PROX1: variants seen among roughly 807,000 people sequenced by gnomAD.
PROX1 encodes the protein prospero homeobox 1, also known as prospero homeobox protein 1.
Under a neutral mutation model 58.8 loss-of-function variants are expected in PROX1, and 7 were observed. The ratio of observed to expected loss-of-function variants is 0.12; its 90% CI spans 0.07 to 0.22. PROX1 has a LOEUF of 0.22. PROX1 is among the 10% of genes least tolerant of loss of function. The pLI, the probability that PROX1 is intolerant of heterozygous loss-of-function variation, is 1.00. For synonymous variants in PROX1, 350 were observed against 358.3 expected (o/e 0.98, Z 0.26); for missense variants, 675 against 927.8 (o/e 0.73, Z 3.54).
At chr1:214,021,563 C>A (rs925374004) in intron 4 of PROX1, among the ~76,000 whole-genome samples, 11 of 152,216 alleles carry the variant, frequency 7.2e-5, no homozygotes, top group Admixed American at 3.9e-4. Context: ...GCGCTTCCAG[C>A]CTGACTGTGT....
intron 4 of PROX1, among the ~76,000 whole-genome samples, chr1:214,022,663 G>A (rs1232295333): frequency 1.3e-5 from 2 of 152,208 alleles, no homozygotes; most frequent in African/African-American, 4.8e-5. Flanking sequence ...CTGGCCTGGA[G>A]GGTCTGGCTC....
chr1:214,023,872 G>A (rs559190010), intron 4 of PROX1, among the ~76,000 whole-genome samples: 2 of 152,334 alleles, frequency 1.3e-5, no homozygotes, highest in South Asian at 2.1e-4. Flanking sequence ...CTTGGGCAGG[G>A]AGGGATGGTT....
intron 1 of PROX1, among the ~76,000 whole-genome samples, chr1:213,995,341 C>A (rs528795537): frequency 6.6e-6 from 1 of 152,170 alleles, no homozygotes; most frequent in African/African-American, 2.4e-5. Context: ...AGGATGTTCT[C>A]TTTTTATACT....
intron 4 of PROX1, chr1:214,028,884 A>T (rs1419205442): frequency 6.6e-6 from 1 of 152,284 alleles, no homozygotes; most frequent in African/African-American, 2.4e-5. Context: ...CAGCTCCATG[A>T]TTCCTCTTTT....
chr1:214,019,616 G>A (rs992666888), intron 4 of PROX1, among the ~76,000 whole-genome samples: 26 of 152,158 alleles, frequency 1.7e-4, no homozygotes, highest in African/African-American at 6.0e-4. Context: ...GCCATGGGAG[G>A]CCTCCCTGTG....
chr1:214,003,997 C>A (rs1231654779), intron 2 of PROX1, among the ~76,000 whole-genome samples: 1 of 149,310 alleles, frequency 6.7e-6, no homozygotes, highest in African/African-American at 2.5e-5. Flanking sequence ...TTTGCACACA[C>A]AAGCACACTT....
intron 1 of PROX1, among the ~76,000 whole-genome samples, chr1:213,990,658 TCGTG>T: frequency 2.6e-5 from 2 of 75,714 alleles, no homozygotes; most frequent in South Asian, 1.2e-3. Context: ...GAGAGAACTG[TCGTG>T]TGTGTGTGTG....
chr1:214,032,692 C>T (rs1664699357), intron 4 of PROX1, among the ~76,000 whole-genome samples: 1 of 152,198 alleles, frequency 6.6e-6, no homozygotes, highest in South Asian at 2.1e-4. Context: ...AAGGCAAGAT[C>T]TCACTATGAG....
At position 213,997,214 on chromosome 1, in the gene PROX1, G is replaced by T. The variant is rs1433935428; in HGVS notation, c.679G>T (p.Ala227Ser). 6.2e-7 allele frequency: 1 copy of T among 1,612,628 alleles called. No individual in the cohort carries two copies. Among genetic ancestry groups the T allele is most frequent in the Non-Finnish European group, 8.5e-7 (1 of 1,179,588 alleles). ...QQQSFQQLVSARKEQKREERR... is the reference protein window; with the variant it reads ...QQQSFQQLVSSRKEQKREERR... ...ACAGAGTTTCCAGCAGCTGGTTTCA[G>T]CCCGAAAAGAACAGAAGCGAGAGGA... The change falls in exon 2 of 5, where the codon GCC becomes TCC. Residue 227 changes from alanine to serine, a missense_variant. This residue lies in a region of PROX1 where 403 missense variants were observed against 477.4 expected (regional missense o/e 0.84). Transcript: ENST00000366958. This position sits in a 1 kb window ranked among gnomAD's most constrained non-coding sequence, Gnocchi z 7.1.
At chr1:214,006,193 T>C (rs1411369609) in intron 3 of PROX1, among the ~76,000 whole-genome samples, 1 of 151,268 alleles carries the variant, frequency 6.6e-6, no homozygotes, top group Admixed American at 6.6e-5. Flanking sequence ...GTACAAGTTC[T>C]TCTTTCTGCC....
intron 4 of PROX1, among the ~76,000 whole-genome samples, chr1:214,018,193 T>A (rs7540694): frequency 1.3e-5 from 2 of 152,184 alleles, no homozygotes; most frequent in African/African-American, 2.4e-5. Flanking sequence ...TTCTTCATTT[T>A]TCCCCCCGCA....
At chr1:214,023,694 G>C (rs980450644) in intron 4 of PROX1, among the ~76,000 whole-genome samples, 3 of 152,074 alleles carry the variant, frequency 2.0e-5, no homozygotes, top group Non-Finnish European at 4.4e-5. Context: ...GTGGTTGGGA[G>C]GTATTGAGTC....
upstream of PROX1, chr1:213,984,399 T>C (rs989357270): frequency 9.2e-5 from 14 of 152,234 alleles, no homozygotes; most frequent in African/African-American, 3.4e-4. Context: ...CAAATTCTTG[T>C]AAGGGTTATA....
At position 213,998,028 on chromosome 1, in the gene PROX1, G is replaced by A. The variant is rs1391349906; in HGVS notation, c.1493G>A (p.Gly498Asp). The A allele has an allele frequency of 8.7e-6, 14 of 1,612,304 alleles. No homozygotes were observed. Among genetic ancestry groups the A allele is most frequent in the Non-Finnish European group, 1.2e-5 (14 of 1,178,970 alleles). ...GCCTATCCATTTCAGAGCCCATTAG[G>A]TGCTCCCTCCGGCTCCTTCTCTGGA... ...LMAYPFQSPL[G>D]APSGSFSGKD... is the part of the protein sequence containing the mutation. Residue 498 changes from glycine (G) to aspartate (D), a missense_variant, in exon 2 of 5, where the codon GGT (glycine) becomes GAT (aspartate). This residue lies in a region of PROX1 where 403 missense variants were observed against 477.4 expected (regional missense o/e 0.84). Transcript: ENST00000366958.
Position 213,997,257 on chromosome 1 carries a change from A to C in PROX1, c.722A>C (p.Gln241Pro). 1 of 1,613,322 alleles carries C rather than the reference A, an allele frequency of 6.2e-7. No individual in the cohort carries two copies. The change falls in exon 2 of 5, where the codon CAG (glutamine) becomes CCG (proline). Residue 241 changes from glutamine (Q) to proline (P), a missense_variant. Gln to Pro is a moderately conservative substitution (Grantham distance 76). Coordinates refer to ENST00000366958, the MANE Select transcript of PROX1 (RefSeq NM_001270616.2). This position sits in a 1 kb window ranked among gnomAD's most constrained non-coding sequence, Gnocchi z 7.1. ...QKREERRQLK[Q>P]QLEDMQKQLR... ...CGAGAGGAGCGCCGACAGCTGAAACAGCAGCTGGAGGACATGCAGAAACAG... is the reference window on the plus strand; with the variant it reads ...CGAGAGGAGCGCCGACAGCTGAAACCGCAGCTGGAGGACATGCAGAAACAG...
At position 214,040,498 on chromosome 1, in the gene PROX1, C is replaced by T. The variant is rs191767387; in HGVS notation, c.*4664C>T. On this transcript the variant is annotated 3_prime_UTR_variant, in exon 5 of 5. Coordinates refer to ENST00000366958, the MANE Select transcript of PROX1 (RefSeq NM_001270616.2). ...GAAAATATTTTAAAATTGTATATTA[C>T]GACTTCAAATTTAGAACTAAGAAAA... is the stretch of plus-strand genomic sequence containing the variant. 70 of 152,104 alleles carry T rather than the reference C, an allele frequency of 4.6e-4. 2 individuals are homozygous for T. The highest frequency in any genetic ancestry group is 3.2e-3 in the Admixed American group (49 of 15,286). 9.4% of individuals were successfully genotyped at this position (152,104 alleles called of 1,614,324 possible).
At chr1:214,000,559 G>A (rs1279950804) in intron 2 of PROX1, among the ~76,000 whole-genome samples, 1 of 152,168 alleles carries the variant, frequency 6.6e-6, no homozygotes, top group Non-Finnish European at 1.5e-5. Flanking sequence ...GCTAAATAAT[G>A]TCGGCCTCTC....
At chr1:214,006,871 T>C (rs1663732877) in intron 3 of PROX1, among the ~76,000 whole-genome samples, 1 of 152,304 alleles carries the variant, frequency 6.6e-6, no homozygotes, top group South Asian at 2.1e-4. Context: ...CAATAACTTA[T>C]ATTCTTTGCA....
At chr1:214,025,358 G>T (rs990198530) in intron 4 of PROX1, among the ~76,000 whole-genome samples, 1 of 152,236 alleles carries the variant, frequency 6.6e-6, no homozygotes, top group African/African-American at 2.4e-5. Flanking sequence ...TAGGCCTCTA[G>T]AAAAGCTGTT....
Sources: allele counts gnomAD v4.1 joint callset (sites outside exome capture counted in the v4.1 genomes callset), GRCh38; gene constraint gnomAD v4.1.1; regional missense constraint gnomAD v4.1.1; non-coding constraint Gnocchi (gnomAD v3.1); transcripts MANE v1.5; gene names NCBI Gene and HGNC (gene_info 2026-07-23, HGNC 2026-07-21).